Variants in PLPP3 observed in about 807,000 individuals in gnomAD.
The protein encoded by PLPP3 is phospholipid phosphatase 3.
In PLPP3, 6 loss-of-function variants were observed where a neutral mutation model predicts 29.6. The observed-to-expected ratio is 0.20, with a 90% CI of 0.11 to 0.40. The LOEUF (loss-of-function observed/expected upper bound fraction) is 0.40, where lower values mean the gene tolerates loss of function less well. Ranked by LOEUF, PLPP3 falls within the 10% of genes least tolerant of loss-of-function variation. The probability of loss-of-function intolerance (pLI) is 1.00; values close to 1 mark genes in which losing one functional copy is unlikely to be tolerated. For missense variants in PLPP3, 308 were observed against 407.7 expected (o/e 0.76, Z 2.11); for synonymous variants, 152 against 159.7 (o/e 0.95, Z 0.36).
chr1:56,534,226 A>G (rs919091379), intron 2 of PLPP3, among the ~76,000 whole-genome samples: 1 of 152,346 alleles, frequency 6.6e-6, no homozygotes, highest in African/African-American at 2.4e-5. Context: ...AGGCAGGGAT[A>G]GGAACCATTG....
intron 4 of PLPP3, among the ~76,000 whole-genome samples, chr1:56,518,917 G>A (rs1014893379): frequency 2.6e-5 from 4 of 151,866 alleles, no homozygotes; most frequent in East Asian, 1.9e-4. Context: ...ATGGTGAGAC[G>A]TAAGGCTGCA....
chr1:56,534,671 T>C (rs1174032847), intron 2 of PLPP3, among the ~76,000 whole-genome samples: 1 of 152,136 alleles, frequency 6.6e-6, no homozygotes, highest in African/African-American at 2.4e-5. Flanking sequence ...TCGTTGTTGT[T>C]GTTGTTAAAT....
chr1:56,498,441 G>GCCCAGC (rs149218089), intron 5 of PLPP3, among the ~76,000 whole-genome samples: 10,784 of 151,940 alleles, frequency 0.071, 452 homozygotes, highest in Admixed American at 0.14. Context: ...TCCGCCCCAG[G>GCCCAGC]CCCAGCCCCA....
intron 2 of PLPP3, among the ~76,000 whole-genome samples, chr1:56,534,428 T>A (rs553951635): frequency 3.0e-4 from 46 of 152,240 alleles, no homozygotes; most frequent in African/African-American, 1.1e-3. Flanking sequence ...GTTCCTTTGT[T>A]GTGGGGACCA....
chr1:56,549,291 T>C (rs1458401681), intron 1 of PLPP3, among the ~76,000 whole-genome samples: 1 of 152,128 alleles, frequency 6.6e-6, no homozygotes, highest in African/African-American at 2.4e-5. Context: ...GCTCTGTCAA[T>C]ATCCTGGCAG....
At chr1:56,500,385 C>A (rs1374294533) in intron 5 of PLPP3, among the ~76,000 whole-genome samples, 1 of 152,080 alleles carries the variant, frequency 6.6e-6, no homozygotes, top group African/African-American at 2.4e-5. Context: ...GGGAAGCAGG[C>A]CTTAGAAGGC....
At chr1:56,496,722 G>T in intron 5 of PLPP3, 46 bp from the exon 6 acceptor site, 2 of 1,607,216 alleles carry the variant, frequency 1.2e-6, no homozygotes, top group Non-Finnish European at 1.7e-6. Flanking sequence ...GACATCGGGG[G>T]TCTGGGTACA....
chr1:56,539,888 C>G (rs1645956689), intron 1 of PLPP3, among the ~76,000 whole-genome samples: 1 of 152,122 alleles, frequency 6.6e-6, no homozygotes, highest in Admixed American at 6.5e-5. Flanking sequence ...AAAAGTTGAG[C>G]TGCAGTTGCT....
intron 1 of PLPP3, among the ~76,000 whole-genome samples, chr1:56,557,204 C>T (rs1337192363): frequency 6.6e-6 from 1 of 150,820 alleles, no homozygotes; most frequent in Non-Finnish European, 1.5e-5. Context: ...ATGGTGAAAC[C>T]CCATCTCTAC....
At chr1:56,563,224 CA>C (rs1186727473) in intron 1 of PLPP3, among the ~76,000 whole-genome samples, 1 of 152,182 alleles carries the variant, frequency 6.6e-6, no homozygotes, top group Admixed American at 6.5e-5. Context: ...AGAAATGCCA[CA>C]AAACTTCTTT....
Position 56,519,674 on chromosome 1 carries a change from G to A in PLPP3, c.633+4149C>T, listed in dbSNP as rs140649006. Among the ~76,000 whole-genome samples the A allele has an allele frequency of 2.4e-4, 37 of 152,040 alleles. No individual in the cohort carries two copies. The East Asian group carries it at 3.1e-3, about 13-fold the overall frequency. On this transcript the variant is annotated intron_variant, in intron 4 of 5. Transcript: ENST00000371250. ...ATGGAGGTGCAGGGTCAATACAGAC[G>A]TGGTCCTCTGGGGTTCAGGCCAGGG...
At chr1:56,553,079 T>G (rs191750291) in intron 1 of PLPP3, among the ~76,000 whole-genome samples, 189 of 152,260 alleles carry the variant, frequency 1.2e-3, no homozygotes, top group African/African-American at 4.4e-3. Context: ...TATTGTTAAG[T>G]TTTACCTGGG....
chr1:56,506,457 A>G (rs947485453), intron 5 of PLPP3, among the ~76,000 whole-genome samples: 4 of 152,176 alleles, frequency 2.6e-5, no homozygotes, highest in African/African-American at 9.6e-5. Context: ...AGCACACAAA[A>G]GAGCAACGGC....
chr1:56,511,468 C>A (rs1329650270), intron 5 of PLPP3, among the ~76,000 whole-genome samples: 1 of 152,060 alleles, frequency 6.6e-6, no homozygotes, highest in Non-Finnish European at 1.5e-5. Context: ...TGAGTCACTC[C>A]CAAGGTCACA....
chr1:56,569,660 A>C (rs956251104), intron 1 of PLPP3, among the ~76,000 whole-genome samples: 1 of 152,156 alleles, frequency 6.6e-6, no homozygotes, highest in Non-Finnish European at 1.5e-5. Flanking sequence ...CTCCTCGTTC[A>C]CCAAAATAAA....
At chr1:56,514,420 T>C (rs1391449511) in intron 4 of PLPP3, among the ~76,000 whole-genome samples, 1 of 151,876 alleles carries the variant, frequency 6.6e-6, no homozygotes, top group East Asian at 1.9e-4. Context: ...TTGGGGAAGG[T>C]GGGTGAGCAG....
At chr1:56,540,060 A>G (rs1435582830) in intron 1 of PLPP3, among the ~76,000 whole-genome samples, 3 of 152,158 alleles carry the variant, frequency 2.0e-5, no homozygotes, top group Non-Finnish European at 2.9e-5. Flanking sequence ...TAAAACACAT[A>G]TAAAAGAGTT....
intron 1 of PLPP3, among the ~76,000 whole-genome samples, chr1:56,557,002 G>GA (rs1421137314): frequency 2.7e-4 from 2 of 7,418 alleles, no homozygotes; most frequent in East Asian, 2.5e-3. Flanking sequence ...AAGAAAGAAA[G>GA]AAAGAAAGAG....
chr1:56,550,758 G>A (rs766402935), intron 1 of PLPP3, among the ~76,000 whole-genome samples: 2 of 151,596 alleles, frequency 1.3e-5, no homozygotes, highest in Non-Finnish European at 2.9e-5. Flanking sequence ...TTTAAAGGGC[G>A]AAATGCCAAA....
Sources: allele counts gnomAD v4.1 joint callset (sites outside exome capture counted in the v4.1 genomes callset), GRCh38; gene constraint gnomAD v4.1.1; transcripts MANE v1.5; gene names NCBI Gene and HGNC (gene_info 2026-07-23, HGNC 2026-07-21).